Variants in ST3GAL2 observed in about 807,000 individuals in gnomAD.
The protein encoded by ST3GAL2 is ST3 beta-galactoside alpha-2,3-sialyltransferase 2.
ST3GAL2 carries 16 observed loss-of-function variants against 37.5 expected under a neutral mutation model. That is an observed-to-expected ratio of 0.43 (90% confidence interval 0.29 to 0.65). The LOEUF is 0.65. Ranked by LOEUF, ST3GAL2 falls within the 30% of genes least tolerant of loss-of-function variation. The probability of loss-of-function intolerance (pLI) is 0.17; values close to 1 mark genes in which losing one functional copy is unlikely to be tolerated. For missense variants in ST3GAL2, 383 were observed against 487.8 expected, an observed-to-expected ratio of 0.79 and a Z score of 2.02; for synonymous variants, 238 against 202.9, an observed-to-expected ratio of 1.17 and a Z score of -1.47.
chr16:70,393,202 C>A (rs985955420), intron 3 of ST3GAL2, among the ~76,000 whole-genome samples: 1 of 151,944 alleles, frequency 6.6e-6, no homozygotes, highest in African/African-American at 2.4e-5. Context: ...CTCAGCCTCC[C>A]GAGTAGCTGG....
At chr16:70,399,789 A>G in intron 1 of ST3GAL2, 2 of 208,132 alleles carry the variant, frequency 9.6e-6, no homozygotes, top group Non-Finnish European at 1.9e-5. Flanking sequence ...ATTTTCCCTA[A>G]GCCACATGCT....
chr16:70,437,588 T>C (rs2047834472), intron 1 of ST3GAL2, among the ~76,000 whole-genome samples: 1 of 149,372 alleles, frequency 6.7e-6, no homozygotes, highest in South Asian at 2.2e-4. Context: ...TGAGCCCTCG[T>C]TCCCTCTAAA....
At chr16:70,431,947 G>A (rs963021895) in intron 1 of ST3GAL2, among the ~76,000 whole-genome samples, 3 of 151,378 alleles carry the variant, frequency 2.0e-5, no homozygotes, top group Non-Finnish European at 4.4e-5. Context: ...CTGGGCAACA[G>A]AGCGAGACTC....
intron 1 of ST3GAL2, among the ~76,000 whole-genome samples, chr16:70,438,475 G>C (rs536069440): frequency 2.0e-5 from 3 of 152,210 alleles, no homozygotes; most frequent in African/African-American, 7.2e-5. Flanking sequence ...GCAGTGCCAG[G>C]TAGGGGAAAG....
At chr16:70,438,597 C>A (rs1246904053) in intron 1 of ST3GAL2, among the ~76,000 whole-genome samples, 2 of 150,620 alleles carry the variant, frequency 1.3e-5, no homozygotes, top group South Asian at 2.1e-4. Context: ...GTTAGCGGTA[C>A]GAACTAGGGA....
rs560784909 is a variant in ST3GAL2, at chr16:70,408,375, A to C, written c.-1003-8842T>G. Among the ~76,000 whole-genome samples the C allele has an allele frequency of 2.0e-5, 3 of 148,450 alleles. No individual in the cohort carries two copies. In the East Asian group the frequency reaches 6.1e-4, roughly 30 times the overall value. On this transcript the variant is annotated intron_variant, in intron 1 of 6. Transcript: ENST00000342907. ...CCCTGCCTCCTGGGTGGGGGGCAGCACCCAAACCAGGCAGAAGGAGCTGGG... is the reference window on the plus strand; with the variant it reads ...CCCTGCCTCCTGGGTGGGGGGCAGCCCCCAAACCAGGCAGAAGGAGCTGGG...
chr16:70,399,105 A>C lies in ST3GAL2; in HGVS notation c.-575T>G. 1 of 400,806 alleles carries C rather than the reference A, an allele frequency of 2.5e-6. No individual in the cohort carries two copies. The highest frequency in any genetic ancestry group is 4.4e-6 in the Non-Finnish European group (1 of 227,628). 24.8% of individuals were successfully genotyped at this position (400,806 alleles called of 1,614,324 possible). A position where few individuals can be genotyped will look rare whatever the true frequency, so the allele number is the denominator to read the frequency against. On this transcript the variant is annotated 5_prime_UTR_variant, in exon 2 of 7. Coordinates refer to ENST00000342907, the MANE Select transcript of ST3GAL2 (RefSeq NM_006927.4). ...AAACCTCTGCCAGAGGAGGGGAGCC[A>C]GACCCCAACCCTGAGAGGACAAAAA...
chr16:70,430,475 G>A (rs1440715706), intron 1 of ST3GAL2, among the ~76,000 whole-genome samples: 1 of 152,204 alleles, frequency 6.6e-6, no homozygotes, highest in African/African-American at 2.4e-5. Flanking sequence ...CTATTGACCT[G>A]CTTCCCATGC....
chr16:70,430,134 C>T (rs1380225044), intron 1 of ST3GAL2, among the ~76,000 whole-genome samples: 1 of 152,216 alleles, frequency 6.6e-6, no homozygotes, highest in African/African-American at 2.4e-5. Flanking sequence ...CCACCTGGGC[C>T]TCTGGGCTGC....
chr16:70,402,427 T>C (rs554943568), intron 1 of ST3GAL2, among the ~76,000 whole-genome samples: 2 of 151,806 alleles, frequency 1.3e-5, no homozygotes, highest in Non-Finnish European at 2.9e-5. Context: ...AGAGTAGTCA[T>C]GGATAAATGA....
At chr16:70,423,651 T>C (rs558930218) in intron 1 of ST3GAL2, among the ~76,000 whole-genome samples, 19 of 151,888 alleles carry the variant, frequency 1.3e-4, no homozygotes, top group African/African-American at 4.6e-4. Flanking sequence ...CACTTCCTGA[T>C]CTGTAAATGG....
At chr16:70,385,698 CTTTTT>C (rs1034830291) in intron 4 of ST3GAL2, among the ~76,000 whole-genome samples, 1 of 92,210 alleles carries the variant, frequency 1.1e-5, no homozygotes, top group Non-Finnish European at 2.1e-5. Context: ...TTTTTTGGTT[CTTTTT>C]TTTTTTTTTT....
intron 1 of ST3GAL2, among the ~76,000 whole-genome samples, chr16:70,425,550 A>G (rs2047743991): frequency 6.6e-6 from 1 of 152,140 alleles, no homozygotes; most frequent in Non-Finnish European, 1.5e-5. Context: ...TTCTACTGCC[A>G]TTTGTTAATT....
At chr16:70,406,784 A>T (rs945977975) in intron 1 of ST3GAL2, among the ~76,000 whole-genome samples, 2 of 152,152 alleles carry the variant, frequency 1.3e-5, no homozygotes, top group African/African-American at 4.8e-5. Flanking sequence ...CTGTCTCAAA[A>T]AAAAAAAAGG....
At chr16:70,414,853 ATTTATTTAT>A (rs1004499136) in intron 1 of ST3GAL2, among the ~76,000 whole-genome samples, 1 of 128,896 alleles carries the variant, frequency 7.8e-6, no homozygotes, top group African/African-American at 4.5e-5. Context: ...TTCTATTATT[ATTTATTTAT>A]TTATTTATTT....
rs529015732 is a variant in ST3GAL2, at chr16:70,417,125, G to A, written c.-1003-17592C>T. ...GTGCAATGGGAATAGCACCCATCTC[G>A]AAGGGGTTCCATGAGGATTATATAA... On this transcript the variant is annotated intron_variant, in intron 1 of 6. Coordinates refer to ENST00000342907, the MANE Select transcript of ST3GAL2 (RefSeq NM_006927.4). 3.3e-5 allele frequency among the ~76,000 whole-genome samples: 5 copies of A among 152,308 alleles called. No individual in the cohort carries two copies. The South Asian group carries it at 6.2e-4, about 19-fold the overall frequency.
chr16:70,388,281 A>G, intron 4 of ST3GAL2, 86 bp downstream of exon 4: 1 of 1,555,730 alleles, frequency 6.4e-7, no homozygotes, highest in Non-Finnish European at 8.8e-7. Context: ...TGTTCAATGA[A>G]AGGAATCCTA....
chr16:70,385,357 AGAATAAG>A (rs1051814629), intron 4 of ST3GAL2, among the ~76,000 whole-genome samples: 1 of 152,142 alleles, frequency 6.6e-6, no homozygotes, highest in African/African-American at 2.4e-5. Context: ...GACAGAAAGT[AGAATAAG>A]GTTACCTGGG....
chr16:70,431,946 AGAGC>A (rs1225662897), intron 1 of ST3GAL2, among the ~76,000 whole-genome samples: 1 of 151,622 alleles, frequency 6.6e-6, no homozygotes, highest in African/African-American at 2.4e-5. Flanking sequence ...CCTGGGCAAC[AGAGC>A]GAGACTCCGT....
Sources: allele counts gnomAD v4.1 joint callset (sites outside exome capture counted in the v4.1 genomes callset), GRCh38; gene constraint gnomAD v4.1.1; transcripts MANE v1.5; gene names NCBI Gene and HGNC (gene_info 2026-07-23, HGNC 2026-07-21).